TMEM50B: variants seen among roughly 807,000 people sequenced by gnomAD.
TMEM50B encodes HCV p7-trans-regulated protein 3.
In TMEM50B, 14 loss-of-function variants were observed where a neutral mutation model predicts 23.4. That is an observed-to-expected ratio of 0.60 (90% CI 0.39 to 0.93). TMEM50B has a LOEUF of 0.93. TMEM50B is among the 40% of genes least tolerant of loss of function. TMEM50B has a pLI of 0.00. For missense variants in TMEM50B, 159 were observed against 193.0 expected, an observed-to-expected ratio of 0.82 and a Z score of 1.04; for synonymous variants, 64 against 62.3, an observed-to-expected ratio of 1.03 and a Z score of -0.13.
intron 1 of TMEM50B, among the ~76,000 whole-genome samples, chr21:33,479,584 T>C (rs2084408082): frequency 6.6e-6 from 1 of 152,180 alleles, no homozygotes; most frequent in Non-Finnish European, 1.5e-5. Context: ...CCCGGGCTGC[T>C]TGCGGGTCGC....
chr21:33,474,379 G>A lies in TMEM50B; in HGVS notation c.-41-5453C>T, dbSNP rs541941394. On this transcript the variant is annotated intron_variant, in intron 1 of 6. Transcript: ENST00000542230. ...TAAGAGTAAAATAATGGTACTTCCA[G>A]GTAAACAAAAATTGAGATAATTCAT... Among the ~76,000 whole-genome samples, 49 of 151,768 alleles carry A rather than the reference G, an allele frequency of 3.2e-4. 1 individual carries two copies. In the South Asian group the frequency reaches 1.0e-2, roughly 31 times the overall value.
At chr21:33,436,523 G>GACC (rs2083952764) in intron 8 of TMEM50B, among the ~76,000 whole-genome samples, 1 of 152,070 alleles carries the variant, frequency 6.6e-6, no homozygotes, top group Non-Finnish European at 1.5e-5. Context: ...AGGAGTTTGA[G>GACC]ACCAGCGTGG....
At chr21:33,470,562 T>G (rs2084305256) in intron 1 of TMEM50B, among the ~76,000 whole-genome samples, 1 of 150,788 alleles carries the variant, frequency 6.6e-6, no homozygotes, top group South Asian at 2.1e-4. Flanking sequence ...AAACCCCGTC[T>G]GTACTAAAAA....
At chr21:33,464,331 G>A (rs1046935877) in intron 4 of TMEM50B, among the ~76,000 whole-genome samples, 6 of 151,542 alleles carry the variant, frequency 4.0e-5, no homozygotes, top group African/African-American at 1.4e-4. Context: ...CCAAGTAGCT[G>A]GGACTACAGA....
intron 8 of TMEM50B, among the ~76,000 whole-genome samples, chr21:33,434,279 G>T (rs1268802495): frequency 6.6e-6 from 1 of 152,098 alleles, no homozygotes; most frequent in Non-Finnish European, 1.5e-5. Flanking sequence ...CCCAGGACTT[G>T]GGGAGGCCAG....
In TMEM50B at chr21:33,477,224, C is replaced by T. The variant is rs75891512; in HGVS notation, c.-42+2614G>A. Among the ~76,000 whole-genome samples, 428 of 151,844 alleles carry T rather than the reference C, an allele frequency of 2.8e-3. 20 individuals carry two copies. The East Asian group carries it at 0.068, about 24-fold the overall frequency. ...GTGGGAGGATCGTTTGAGCCCAAGG[C>T]TGCAGCAAGCCGTGAGGGAACCACT... On this transcript the variant is annotated intron_variant, in intron 1 of 6. Coordinates refer to ENST00000542230, the MANE Select transcript of TMEM50B (RefSeq NM_006134.7).
intron 4 of TMEM50B, among the ~76,000 whole-genome samples, chr21:33,461,562 G>C (rs1156584095): frequency 6.6e-6 from 1 of 152,102 alleles, no homozygotes; most frequent in Non-Finnish European, 1.5e-5. Context: ...CTAGAAATTT[G>C]GGAGGCCAAG....
At chr21:33,456,628 T>C (rs2084170826) in intron 5 of TMEM50B, among the ~76,000 whole-genome samples, 1 of 152,212 alleles carries the variant, frequency 6.6e-6, no homozygotes, top group African/African-American at 2.4e-5. Flanking sequence ...TACAGCAGCA[T>C]GGTTAAGAGC....
chr21:33,466,478 T>C (rs767043381), intron 3 of TMEM50B, among the ~76,000 whole-genome samples: 13 of 152,028 alleles, frequency 8.6e-5, no homozygotes, highest in East Asian at 1.9e-4. Context: ...CACAGTCAAG[T>C]AGCACATTAA....
rs186369364 is a variant in TMEM50B, at chr21:33,432,748, C to T, written c.*2175G>A. ...AGCTTCAGCAAGTCATCCTGATCTCCGTGGGAACATTTTCGTTGCTGTCGG... is the reference window on the plus strand; with the variant it reads ...AGCTTCAGCAAGTCATCCTGATCTCTGTGGGAACATTTTCGTTGCTGTCGG... On this transcript the variant is annotated 3_prime_UTR_variant and NMD_transcript_variant, in exon 9 of 9. Transcript: ENST00000420455. 383 of 1,614,102 alleles carry T rather than the reference C, an allele frequency of 2.4e-4. 1 individual carries two copies. Among genetic ancestry groups the T allele is most frequent in the South Asian group, 6.4e-4 (58 of 91,084 alleles).
Position 33,464,881 on chromosome 21 carries a change from G to A in TMEM50B, c.280+461C>T, listed in dbSNP as rs1215393366. On this transcript the variant is annotated intron_variant, in intron 4 of 6. Coordinates refer to ENST00000542230, the MANE Select transcript of TMEM50B (RefSeq NM_006134.7). The stretch of plus-strand genomic sequence containing the variant: ...AACTATAAAAACTAATTTATGTGTA[G>A]ACAAATAGCATCTTTCTACTGAACA... 2.0e-5 allele frequency: 3 copies of A among 147,672 alleles called. No individual in the cohort carries two copies. The East Asian group carries it at 5.9e-4, about 29-fold the overall frequency. 9.1% of individuals were successfully genotyped at this position (147,672 alleles called of 1,614,324 possible).
At chr21:33,463,917 CA>C (rs909393557) in intron 4 of TMEM50B, among the ~76,000 whole-genome samples, 7 of 151,456 alleles carry the variant, frequency 4.6e-5, no homozygotes, top group Non-Finnish European at 1.0e-4. Flanking sequence ...GACTCCGTCT[CA>C]AAAAAAATTA....
At chr21:33,463,853 G>A (rs1235324840) in intron 4 of TMEM50B, among the ~76,000 whole-genome samples, 2 of 152,152 alleles carry the variant, frequency 1.3e-5, no homozygotes, top group African/African-American at 4.8e-5. Context: ...AGGCTGTTGA[G>A]GCTGCAGTGA....
chr21:33,445,098 A>C (rs1316444605), downstream of TMEM50B, among the ~76,000 whole-genome samples: 4 of 151,792 alleles, frequency 2.6e-5, no homozygotes, highest in East Asian at 5.8e-4. Context: ...AAAAAAAAAA[A>C]AAACCAGAAA....
chr21:33,449,282 T>C lies in TMEM50B; in HGVS notation c.*1536A>G, dbSNP rs2084095441. ...AAAGAAGTCATCAAACAAGATGGTA[T>C]CTTGACAAAGGCACAGCGCTCCACA... On this transcript the variant is annotated 3_prime_UTR_variant, in exon 7 of 7. Coordinates refer to ENST00000542230, the MANE Select transcript of TMEM50B (RefSeq NM_006134.7). The C allele has an allele frequency of 6.6e-6, 1 of 152,282 alleles. No individual in the cohort carries two copies. Among genetic ancestry groups the C allele is most frequent in the Admixed American group, 6.6e-5 (1 of 15,258 alleles). The allele number at this position is 152,282 out of a possible 1,614,324, so 9.4% of individuals were successfully genotyped here.
At chr21:33,446,412 A>AT (rs1253806717), downstream of TMEM50B, among the ~76,000 whole-genome samples, 1 of 150,126 alleles carries the variant, frequency 6.7e-6, no homozygotes, top group African/African-American at 2.4e-5. Context: ...AATTTTTTGT[A>AT]TTTTTAGTAG....
At chr21:33,435,971 G>T (rs939395901) in intron 8 of TMEM50B, among the ~76,000 whole-genome samples, 1 of 151,518 alleles carries the variant, frequency 6.6e-6, no homozygotes, top group Non-Finnish European at 1.5e-5. Flanking sequence ...TGAGGCAGGA[G>T]AATTGCTTGA....
rs953371940 is a variant in TMEM50B at position 33,449,764 on chromosome 21, G to A, written c.*1054C>T. The A allele has an allele frequency of 3.9e-5, 6 of 152,570 alleles. No homozygotes were observed. Among genetic ancestry groups the A allele is most frequent in the South Asian group, 2.1e-4 (1 of 4,830 alleles). The allele number at this position is 152,570 out of a possible 1,614,324, so 9.5% of individuals were successfully genotyped here. Reference sequence around the variant, plus strand: ...TAAATGGTTCATGCTTTTAAACTGCGATTGTCTCAAACTTGCTTGCTATTG... The same window carrying A: ...TAAATGGTTCATGCTTTTAAACTGCAATTGTCTCAAACTTGCTTGCTATTG... On this transcript the variant is annotated 3_prime_UTR_variant, in exon 7 of 7. Transcript: ENST00000542230.
chr21:33,470,621 C>CA (rs1247563021), intron 1 of TMEM50B, among the ~76,000 whole-genome samples: 1 of 149,158 alleles, frequency 6.7e-6, no homozygotes. Context: ...CCTGTAGTCC[C>CA]AGCTACTCGG....
Sources: gnomAD v4.1 joint callset for allele counts (sites outside exome capture counted in the v4.1 genomes callset) on GRCh38, gnomAD v4.1.1 for gene constraint, MANE v1.5 for transcripts, NCBI Gene and HGNC (gene_info 2026-07-23, HGNC 2026-07-21) for gene names.